The following USP44 variants were observed in gnomAD, a reference collection of about 807,000 sequenced individuals.
USP44 encodes ubiquitin specific peptidase 44.
In USP44, 61 loss-of-function variants were observed where a neutral mutation model predicts 69.0. That is an observed-to-expected ratio of 0.88 (90% CI 0.72 to 1.09). The LOEUF is 1.09. Ranked by LOEUF, USP44 falls within the 50% of genes least tolerant of loss-of-function variation. The pLI is 0.00. For synonymous variants in USP44, 297 were observed against 295.4 expected (o/e 1.01, Z -0.06); for missense variants, 753 against 849.9 (o/e 0.89, Z 1.42).
chr12:95,524,936 G>T, intron 3 of USP44, 148 bp from the exon 4 acceptor site: 1 of 698,216 alleles, frequency 1.4e-6, no homozygotes, highest in Non-Finnish European at 2.1e-6. Flanking sequence ...CATGGGCTTT[G>T]CCCTCAAGAA....
intron 1 of USP44, among the ~76,000 whole-genome samples, chr12:95,550,603 GA>G (rs1195459410): frequency 1.1e-4 from 17 of 152,034 alleles, no homozygotes; most frequent in Non-Finnish European, 2.9e-5. Context: ...GTAATTCCTT[GA>G]AAGCAAAATA....
chr12:95,525,219 G>A (rs1241830878), intron 3 of USP44, among the ~76,000 whole-genome samples: 1 of 152,016 alleles, frequency 6.6e-6, no homozygotes, highest in African/African-American at 2.4e-5. Context: ...CTATAGGTGC[G>A]TGCCACCATG....
intron 1 of USP44, among the ~76,000 whole-genome samples, chr12:95,544,375 T>A (rs2077505585): frequency 6.6e-6 from 1 of 152,060 alleles, no homozygotes; most frequent in Admixed American, 6.5e-5. Context: ...ATCTTTGACA[T>A]AATAAACTTT....
chr12:95,533,121 A>T lies in USP44; in HGVS notation c.1136T>A (p.Ile379Asn), dbSNP rs746492967. 2 of 1,614,240 alleles carry T rather than the reference A, an allele frequency of 1.2e-6. No individual in the cohort carries two copies. Among genetic ancestry groups the T allele is most frequent in the Middle Eastern group, 1.6e-4 (1 of 6,062 alleles). Residue 379 changes from isoleucine (I) to asparagine (N), a missense_variant, in exon 2 of 6, where the codon ATT (isoleucine) becomes AAT (asparagine). Transcript: ENST00000258499. ...AGTATGCAATTCATGACAAAGAGAA[A>T]TGTACTGTGAAGTTGGCTCCTTTGG... The part of the protein sequence containing the change: ...IQPKEPTSQY[I>N]SLCHELHTLF...
At chr12:95,543,562 T>A (rs1013943768) in intron 1 of USP44, among the ~76,000 whole-genome samples, 2 of 151,968 alleles carry the variant, frequency 1.3e-5, no homozygotes, top group African/African-American at 2.4e-5. Context: ...TCTAGTCAAA[T>A]AATTTAAAAA....
Position 95,516,983 on chromosome 12 carries a change from GAT to G in USP44, c.*1169_*1170del. ...AGTTGATTCTACCCTCTCCAAATAA[GAT>G]AAAGTTAGCAGCAACAGGACTTTAA... On this transcript the variant is annotated 3_prime_UTR_variant, in exon 6 of 6. Transcript: ENST00000258499. The G allele has an allele frequency of 1.3e-5, 2 of 151,418 alleles. No individual in the cohort carries two copies. The highest frequency in any genetic ancestry group is 3.4e-3 in the Middle Eastern group (1 of 292). 9.4% of individuals were successfully genotyped at this position (151,418 alleles called of 1,614,324 possible). A position where few individuals can be genotyped will look rare whatever the true frequency, so the allele number is the denominator to read the frequency against.
chr12:95,535,865 G>A (rs1409379682), intron 1 of USP44, among the ~76,000 whole-genome samples: 1 of 151,984 alleles, frequency 6.6e-6, no homozygotes, highest in East Asian at 1.9e-4. Flanking sequence ...GAATTTCAAC[G>A]GTACCTGCAA....
At chr12:95,518,918 T>A (rs1253702146) in intron 5 of USP44, among the ~76,000 whole-genome samples, 2 of 145,906 alleles carry the variant, frequency 1.4e-5, no homozygotes, top group African/African-American at 5.2e-5. Flanking sequence ...CAAGCCTGGG[T>A]GATAGAGGGA....
chr12:95,537,890 G>A (rs903765287), intron 1 of USP44, among the ~76,000 whole-genome samples: 1 of 152,098 alleles, frequency 6.6e-6, no homozygotes, highest in African/African-American at 2.4e-5. Context: ...TTAAGTATGT[G>A]CTAAATTGTA....
chr12:95,526,276 T>A (rs1349245182), intron 3 of USP44, among the ~76,000 whole-genome samples: 4 of 152,154 alleles, frequency 2.6e-5, no homozygotes, highest in East Asian at 3.9e-4. Flanking sequence ...ATTTATTTTT[T>A]AAAAAAACCT....
chr12:95,539,335 C>T (rs1291110937), intron 1 of USP44, among the ~76,000 whole-genome samples: 1 of 151,770 alleles, frequency 6.6e-6, no homozygotes, highest in East Asian at 1.9e-4. Context: ...ACACCATTCT[C>T]CTGCCTCAGC....
At chr12:95,536,924 G>A (rs1056117988) in intron 1 of USP44, among the ~76,000 whole-genome samples, 6 of 152,182 alleles carry the variant, frequency 3.9e-5, no homozygotes, top group African/African-American at 1.2e-4. Flanking sequence ...CTGGGACTCA[G>A]AGAATTACTT....
At chr12:95,551,120 A>G (rs1029027154) in intron 1 of USP44, among the ~76,000 whole-genome samples, 152 bp downstream of exon 1, 2 of 152,098 alleles carry the variant, frequency 1.3e-5, no homozygotes, top group East Asian at 1.9e-4. Flanking sequence ...TTATTTTTAC[A>G]TAGCAATCAT....
chr12:95,518,198 G>C lies in USP44; in HGVS notation c.2095C>G (p.Pro699Ala). 6.2e-7 allele frequency: 1 copy of C among 1,614,142 alleles called. No homozygotes were observed. Among genetic ancestry groups the C allele is most frequent in the Non-Finnish European group, 8.5e-7 (1 of 1,180,024 alleles). Residue 699 changes from proline (P) to alanine (A), a missense_variant, in exon 6 of 6, where the codon CCC becomes GCC. Transcript: ENST00000258499. ...GACGAGGTATCAGCGTCTTCATTGG[G>C]ATGTTGGCTCCCCAACAGGAGCTCT... is the stretch of plus-strand genomic sequence containing the variant. The part of the protein sequence containing the change: ...PPELLLGSQH[P>A]NEDADTSSNE...
chr12:95,527,793 A>G (rs2076893596), intron 3 of USP44, among the ~76,000 whole-genome samples: 2 of 148,288 alleles, frequency 1.3e-5, no homozygotes, highest in South Asian at 4.3e-4. Flanking sequence ...CCAACACAGC[A>G]GATCTGATGT....
intron 2 of USP44, among the ~76,000 whole-genome samples, chr12:95,531,257 TG>T (rs1168627831): frequency 6.6e-6 from 1 of 151,756 alleles, no homozygotes; most frequent in African/African-American, 2.4e-5. Context: ...AACATTGAAA[TG>T]TTTTGAAAAG....
chr12:95,533,418 T>C lies in USP44; in HGVS notation c.839A>G (p.Asn280Ser). ...AAGAACAGAATTCATATAGCAAGTATTTCCCAAATTTCTCAATCCTGTTAC... is the reference window on the plus strand; with the variant it reads ...AAGAACAGAATTCATATAGCAAGTACTTCCCAAATTTCTCAATCCTGTTAC... ...PGVTGLRNLG[N>S]TCYMNSVLQV... The change falls in exon 2 of 6, where the codon AAT becomes AGT. Residue 280 changes from asparagine to serine, a missense_variant. By Grantham distance (46) the Asn-to-Ser change is conservative. Transcript: ENST00000258499. 1 of 1,613,878 alleles carries C rather than the reference T, an allele frequency of 6.2e-7. No homozygotes were observed. Among genetic ancestry groups the C allele is most frequent in the Non-Finnish European group, 8.5e-7 (1 of 1,179,820 alleles).
At chr12:95,519,079 C>A (rs1008381812) in intron 5 of USP44, among the ~76,000 whole-genome samples, 3 of 152,114 alleles carry the variant, frequency 2.0e-5, no homozygotes, top group African/African-American at 7.2e-5. Context: ...ACATTACATG[C>A]ACATAAGTAT....
chr12:95,545,715 T>A (rs6538642), intron 1 of USP44, among the ~76,000 whole-genome samples: 42,258 of 152,090 alleles, frequency 0.28, 5,991 homozygotes, highest in Middle Eastern at 0.35. Flanking sequence ...GTTCAATATT[T>A]TTGAATGAAC....
Sources: gnomAD v4.1 joint callset for allele counts (sites outside exome capture counted in the v4.1 genomes callset) on GRCh38, gnomAD v4.1.1 for gene constraint, MANE v1.5 for transcripts, NCBI Gene and HGNC (gene_info 2026-07-23, HGNC 2026-07-21) for gene names.